ZFYVE27: variants seen among roughly 807,000 people sequenced by gnomAD.
The protein encoded by ZFYVE27 is protrudin.
In ZFYVE27, 36 loss-of-function variants were observed where a neutral mutation model predicts 52.8. The ratio of observed to expected loss-of-function variants is 0.68; its 90% CI spans 0.52 to 0.90. ZFYVE27 has a LOEUF of 0.90. Ranked by LOEUF, ZFYVE27 falls within the 40% of genes least tolerant of loss-of-function variation. The pLI is 0.00. For synonymous variants in ZFYVE27, 223 were observed against 215.6 expected, an observed-to-expected ratio of 1.03 and a Z score of -0.30; for missense variants, 450 against 527.2, an observed-to-expected ratio of 0.85 and a Z score of 1.43.
At chr10:97,744,039 C>A (rs963391023) in intron 3 of ZFYVE27, among the ~76,000 whole-genome samples, 1 of 152,176 alleles carries the variant, frequency 6.6e-6, no homozygotes, top group Non-Finnish European at 1.5e-5. Context: ...GAAAATAAAT[C>A]CAGTTCATAT....
At chr10:97,737,473 G>A (rs1159084833) in intron 1 of ZFYVE27, 152 bp downstream of exon 1, 2 of 152,596 alleles carry the variant, frequency 1.3e-5, no homozygotes, top group African/African-American at 4.8e-5. Flanking sequence ...AGGCCCCCCT[G>A]GCTGCAGAGG....
At chr10:97,737,619 C>T (rs375946466) in intron 1 of ZFYVE27, among the ~76,000 whole-genome samples, 64 of 152,382 alleles carry the variant, frequency 4.2e-4, no homozygotes, top group African/African-American at 1.5e-3. Flanking sequence ...GTCCCATCCC[C>T]TCACCCTCCC....
chr10:97,744,652 C>A, intron 3 of ZFYVE27, 77 bp from the exon 4 acceptor site: 1 of 1,558,554 alleles, frequency 6.4e-7, no homozygotes, highest in Non-Finnish European at 8.8e-7. Context: ...AGGTGAGGAA[C>A]AAGCAGTGGG....
chr10:97,747,676 T>C (rs1245731557), intron 4 of ZFYVE27, among the ~76,000 whole-genome samples: 1 of 152,190 alleles, frequency 6.6e-6, no homozygotes, highest in African/African-American at 2.4e-5. Context: ...GTCCCTGTCA[T>C]TTTTGAATGC....
chr10:97,740,739 C>T (rs779878005), intron 2 of ZFYVE27, among the ~76,000 whole-genome samples: 2 of 152,122 alleles, frequency 1.3e-5, no homozygotes, highest in African/African-American at 2.4e-5. Flanking sequence ...GTGGCTGTCA[C>T]GTTAGTTTGT....
chr10:97,758,329 T>TC (rs921782543), intron 12 of ZFYVE27, among the ~76,000 whole-genome samples: 2 of 151,182 alleles, frequency 1.3e-5, no homozygotes, highest in East Asian at 1.9e-4. Flanking sequence ...AAGTTTTTTT[T>TC]TTTTTTTTTT....
At chr10:97,754,604 CA>C in intron 10 of ZFYVE27, 1 of 1,258,452 alleles carries the variant, frequency 7.9e-7, no homozygotes. Context: ...TGTGAGCCAC[CA>C]CGCCCGGCCC....
chr10:97,759,129 C>A, intron 12 of ZFYVE27, 107 bp from the exon 13 acceptor site: 1 of 1,189,486 alleles, frequency 8.4e-7, no homozygotes, highest in Non-Finnish European at 1.2e-6. Context: ...AGGGTGTGGG[C>A]TGGGTGGGGG....
At chr10:97,757,780 G>T (rs1210010990) in intron 12 of ZFYVE27, 57 bp downstream of exon 12, 1 of 1,569,330 alleles carries the variant, frequency 6.4e-7, no homozygotes, top group African/African-American at 1.4e-5. Flanking sequence ...GGGATGTCAC[G>T]CTGTGGCACA....
chr10:97,752,735 G>A (rs1269224611), intron 8 of ZFYVE27, 122 bp from the exon 9 acceptor site: 11 of 1,136,274 alleles, frequency 9.7e-6, no homozygotes, highest in Admixed American at 2.0e-5. Context: ...TGGGAAGTGC[G>A]CAGAGCTCAG....
At chr10:97,738,385 A>G (rs2042686637) in intron 1 of ZFYVE27, 92 bp from the exon 2 acceptor site, 2 of 1,401,946 alleles carry the variant, frequency 1.4e-6, no homozygotes, top group East Asian at 4.5e-5. Context: ...CCTTGCTCAC[A>G]GGTTTACTGT....
chr10:97,744,341 G>C (rs779248199), intron 3 of ZFYVE27, among the ~76,000 whole-genome samples: 10 of 152,188 alleles, frequency 6.6e-5, no homozygotes, highest in Non-Finnish European at 1.2e-4. Flanking sequence ...TGGCCCAGAG[G>C]TCCGAGTGTC....
chr10:97,751,223 G>A lies in ZFYVE27; in HGVS notation c.805-168G>A, dbSNP rs146465417. The stretch of plus-strand genomic sequence containing the variant: ...CTGTGCTCGTGTTTCCATCTCCCCC[G>A]CCCTGCCAGGCTAGAGGTTGCTCCT... On this transcript the variant is annotated intron_variant, in intron 7 of 12. Transcript: ENST00000684270. Among the ~76,000 whole-genome samples, 97 of 152,082 alleles carry A rather than the reference G, an allele frequency of 6.4e-4. No individual in the cohort carries two copies. In the East Asian group the frequency reaches 0.017, roughly 26 times the overall value.
intron 3 of ZFYVE27, among the ~76,000 whole-genome samples, chr10:97,743,561 T>C (rs372203612): frequency 1.6e-4 from 25 of 152,344 alleles, no homozygotes; most frequent in African/African-American, 5.8e-4. Flanking sequence ...CTGCTGAGGA[T>C]GCATTGACCT....
rs1276125762 is a variant in ZFYVE27, at chr10:97,760,863, T to G, written c.*1563T>G. The G allele has an allele frequency of 6.6e-6, 1 of 152,272 alleles. No individual in the cohort carries two copies. The highest frequency in any genetic ancestry group is 6.5e-5 in the Admixed American group (1 of 15,290). 9.4% of individuals were successfully genotyped at this position (152,272 alleles called of 1,614,324 possible). On this transcript the variant is annotated 3_prime_UTR_variant, in exon 13 of 13. Transcript: ENST00000684270. Reference sequence around the variant, plus strand: ...GGAACTAAAAGGATCTCTGTGTCTATGGAGAATTGTCAATAAAAAGGCCTC... The same window carrying G: ...GGAACTAAAAGGATCTCTGTGTCTAGGGAGAATTGTCAATAAAAAGGCCTC...
At chr10:97,757,565 G>A in intron 11 of ZFYVE27, 77 bp from the exon 12 acceptor site, 1 of 1,503,740 alleles carries the variant, frequency 6.7e-7, no homozygotes, top group East Asian at 2.3e-5. Flanking sequence ...GGATCAGCTG[G>A]TGGAAAGGAG....
At chr10:97,739,519 A>C (rs1304013559) in intron 2 of ZFYVE27, among the ~76,000 whole-genome samples, 1 of 152,158 alleles carries the variant, frequency 6.6e-6, no homozygotes, top group African/African-American at 2.4e-5. Context: ...TCTACTCCCT[A>C]AATATGTCAG....
At chr10:97,749,031 A>T (rs942354547) in intron 5 of ZFYVE27, among the ~76,000 whole-genome samples, 1 of 152,170 alleles carries the variant, frequency 6.6e-6, no homozygotes, top group Admixed American at 6.5e-5. Context: ...GCACTGCTCA[A>T]CACTCCCTCT....
At chr10:97,755,156 T>G (rs529060528) in intron 10 of ZFYVE27, among the ~76,000 whole-genome samples, 1 of 152,242 alleles carries the variant, frequency 6.6e-6, no homozygotes, top group Non-Finnish European at 1.5e-5. Context: ...AGAAAGTGCT[T>G]CTTTTCCTAA....
Sources: allele counts gnomAD v4.1 joint callset (sites outside exome capture counted in the v4.1 genomes callset), GRCh38; gene constraint gnomAD v4.1.1; transcripts MANE v1.5; gene names NCBI Gene and HGNC (gene_info 2026-07-23, HGNC 2026-07-21).